ANP32A: variants seen among roughly 807,000 people sequenced by gnomAD.
ANP32A encodes acidic nuclear phosphoprotein 32 family member A.
Under a neutral mutation model 33.9 loss-of-function variants are expected in ANP32A, and 1 was observed. The ratio of observed to expected loss-of-function variants is 0.03; its 90% CI spans 0.01 to 0.14. The LOEUF (loss-of-function observed/expected upper bound fraction) is 0.14. Ranked by LOEUF, ANP32A falls within the 10% of genes least tolerant of loss-of-function variation. The pLI is 1.00. For missense variants in ANP32A, 155 were observed against 306.0 expected, an observed-to-expected ratio of 0.51 and a Z score of 3.68; for synonymous variants, 115 against 120.5, an observed-to-expected ratio of 0.95 and a Z score of 0.30.
At chr15:68,784,686 T>TA in intron 3 of ANP32A, 91 bp from the exon 4 acceptor site, 2 of 1,410,918 alleles carry the variant, frequency 1.4e-6, no homozygotes, top group Non-Finnish European at 2.0e-6. Context: ...TGCCATGAGA[T>TA]AGCATGCGCA....
In ANP32A at chr15:68,779,902, C is replaced by A; in HGVS notation, c.*179G>T. 5.5e-6 allele frequency: 3 copies of A among 547,708 alleles called. No individual in the cohort carries two copies. The highest frequency in any genetic ancestry group is 2.7e-5 in the South Asian group (1 of 37,194). The allele number at this position is 547,708 out of a possible 1,614,324, so 33.9% of individuals were successfully genotyped here. A position where few individuals can be genotyped will look rare whatever the true frequency, so the allele number is the denominator to read the frequency against. On this transcript the variant is annotated 3_prime_UTR_variant, in exon 7 of 7. Transcript: ENST00000465139. ...AGTAAAAATAGTATTTTATTCCACC[C>A]CCACCCGCCATCCCTCCCCCCGCAA...
Position 68,820,664 on chromosome 15 carries a change from T to C in ANP32A, c.54+34A>G, listed in dbSNP as rs764449967. The C allele has an allele frequency of 2.8e-6, 4 of 1,411,484 alleles. No individual in the cohort carries two copies. The South Asian group carries it at 3.4e-5, about 12-fold the overall frequency. 87.4% of individuals were successfully genotyped at this position (1,411,484 alleles called of 1,614,324 possible). A position where few individuals can be genotyped will look rare whatever the true frequency, so the allele number is the denominator to read the frequency against. ...CACACACACACACAAAGTAGGAGAA[T>C]GGACCGACAGAGATATTTTTGGCAA... On this transcript the variant is annotated intron_variant, in intron 1 of 6. Coordinates refer to ENST00000465139, the MANE Select transcript of ANP32A (RefSeq NM_006305.4).
intron 1 of ANP32A, 29 bp downstream of exon 1, chr15:68,820,669 C>T: frequency 6.5e-7 from 1 of 1,530,054 alleles, no homozygotes; most frequent in South Asian, 1.1e-5. Flanking sequence ...GAGAATGGAC[C>T]GACAGAGATA....
In ANP32A at chr15:68,780,542, A is replaced by G. The variant is rs1893854517; in HGVS notation, c.625-69T>C. On this transcript the variant is annotated intron_variant, in intron 5 of 6. Coordinates refer to ENST00000465139, the MANE Select transcript of ANP32A (RefSeq NM_006305.4). This position sits in a 1 kb window ranked among gnomAD's most constrained non-coding sequence, Gnocchi z 4.3. Reference sequence around the variant, plus strand: ...TTGGGACATGCTGAGGAAGCCACACAGAGCACAAAAAGGCCGGGGTCACCC... The same window carrying G: ...TTGGGACATGCTGAGGAAGCCACACGGAGCACAAAAAGGCCGGGGTCACCC... 3 of 1,599,460 alleles carry G rather than the reference A, an allele frequency of 1.9e-6. No homozygotes were observed. The highest frequency in any genetic ancestry group is 2.6e-6 in the Non-Finnish European group (3 of 1,173,444).
intron 1 of ANP32A, among the ~76,000 whole-genome samples, chr15:68,804,372 C>A (rs983488455): frequency 6.6e-6 from 1 of 152,178 alleles, no homozygotes; most frequent in African/African-American, 2.4e-5. Context: ...CCTTGGTTCC[C>A]TCATTGGCAG....
chr15:68,782,139 T>C (rs995854023), intron 5 of ANP32A, among the ~76,000 whole-genome samples: 3 of 152,156 alleles, frequency 2.0e-5, no homozygotes, highest in Admixed American at 2.0e-4. Context: ...GATTTAGAAT[T>C]CTGAGCAAGT....
chr15:68,799,519 A>G (rs1297455107), intron 1 of ANP32A, among the ~76,000 whole-genome samples: 3 of 152,242 alleles, frequency 2.0e-5, no homozygotes, highest in Admixed American at 6.5e-5. Context: ...AAAACTATGA[A>G]GAGAGTCAGG....
At chr15:68,798,218 C>T (rs1894087970) in intron 1 of ANP32A, among the ~76,000 whole-genome samples, 1 of 152,072 alleles carries the variant, frequency 6.6e-6, no homozygotes, top group Admixed American at 6.6e-5. Flanking sequence ...CGGGATGGAC[C>T]CCGAGTGGAG....
chr15:68,785,772 C>T (rs1893924274), intron 3 of ANP32A, among the ~76,000 whole-genome samples: 1 of 152,200 alleles, frequency 6.6e-6, no homozygotes, highest in South Asian at 2.1e-4. Flanking sequence ...GCCTGAGTGC[C>T]TGACCCCTAA....
intron 1 of ANP32A, among the ~76,000 whole-genome samples, chr15:68,803,798 CTTTTT>C (rs3985625): frequency 2.0e-5 from 2 of 101,154 alleles, no homozygotes; most frequent in Non-Finnish European, 1.9e-5. Flanking sequence ...ATTTCACAAA[CTTTTT>C]TTTTTTTTTT....
rs773787712 is a variant in ANP32A, at chr15:68,820,761, T to G, written c.-10A>C. On this transcript the variant is annotated 5_prime_UTR_variant, in exon 1 of 7. Coordinates refer to ENST00000465139, the MANE Select transcript of ANP32A (RefSeq NM_006305.4). ...GTCTGCCCATCTCCATCTCTCGCGCTCTCTCTCTGCAGAGGCTCCCGCGCC... is the reference window on the plus strand; with the variant it reads ...GTCTGCCCATCTCCATCTCTCGCGCGCTCTCTCTGCAGAGGCTCCCGCGCC... The G allele has an allele frequency of 1.9e-6, 3 of 1,613,794 alleles. No homozygotes were observed. The highest frequency in any genetic ancestry group is 2.2e-5 in the East Asian group (1 of 44,860).
At chr15:68,804,866 C>T (rs566605717) in intron 1 of ANP32A, among the ~76,000 whole-genome samples, 8 of 152,218 alleles carry the variant, frequency 5.3e-5, no homozygotes, top group Admixed American at 1.3e-4. Flanking sequence ...ATTATCCAGC[C>T]CTCATAATAC....
At chr15:68,796,720 T>C (rs578139424) in intron 1 of ANP32A, among the ~76,000 whole-genome samples, 2 of 152,316 alleles carry the variant, frequency 1.3e-5, no homozygotes, top group South Asian at 4.1e-4. Flanking sequence ...TCAGGCACTC[T>C]GATGACCTGG....
At chr15:68,798,217 C>A (rs1238996875) in intron 1 of ANP32A, among the ~76,000 whole-genome samples, 16 of 152,182 alleles carry the variant, frequency 1.1e-4, no homozygotes, top group Admixed American at 1.0e-3. Flanking sequence ...CCGGGATGGA[C>A]CCCGAGTGGA....
chr15:68,814,098 TG>T (rs1415580183), intron 1 of ANP32A, among the ~76,000 whole-genome samples: 2 of 152,092 alleles, frequency 1.3e-5, no homozygotes. Flanking sequence ...CTTGATCTCC[TG>T]ACCTCGTGAT....
intron 1 of ANP32A, among the ~76,000 whole-genome samples, chr15:68,819,487 GGCTA>G (rs1456032306): frequency 6.6e-6 from 1 of 152,234 alleles, no homozygotes; most frequent in African/African-American, 2.4e-5. Flanking sequence ...CAATAACGGC[GGCTA>G]GCGGGCAAAC....
intron 5 of ANP32A, chr15:68,782,639 G>A (rs1048997127): frequency 3.0e-6 from 1 of 337,696 alleles, no homozygotes; most frequent in Non-Finnish European, 5.6e-6. Context: ...GCATATGAAA[G>A]CAAAAAGCAG....
intron 4 of ANP32A, chr15:68,784,136 A>T: frequency 1.8e-6 from 1 of 548,758 alleles, no homozygotes; most frequent in Non-Finnish European, 3.3e-6. Context: ...ATCTCAGGAT[A>T]TTTCCATGAG....
rs558687982 is a variant in ANP32A at position 68,779,795 on chromosome 15, C to T, written c.*286G>A. ...TTTGAGAGTCAGGAACAAATGCTCA[C>T]TTAGTGTGTACTTAGCTATCGCATT... On this transcript the variant is annotated 3_prime_UTR_variant, in exon 7 of 7. Transcript: ENST00000465139. 6.3e-4 allele frequency: 239 copies of T among 378,376 alleles called. No homozygotes were observed. The highest frequency in any genetic ancestry group is 4.5e-3 in the African/African-American group (215 of 48,282). 23.4% of individuals were successfully genotyped at this position (378,376 alleles called of 1,614,324 possible). A position where few individuals can be genotyped will look rare whatever the true frequency, so the allele number is the denominator to read the frequency against.
Sources: allele counts gnomAD v4.1 joint callset (sites outside exome capture counted in the v4.1 genomes callset), GRCh38; gene constraint gnomAD v4.1.1; non-coding constraint Gnocchi (gnomAD v3.1); transcripts MANE v1.5; gene names NCBI Gene and HGNC (gene_info 2026-07-23, HGNC 2026-07-21).